SCAPER: variants seen among roughly 807,000 people sequenced by gnomAD.
SCAPER encodes the protein S-phase cyclin A associated protein in the ER.
In SCAPER, 98 loss-of-function variants were observed where a neutral mutation model predicts 182.2. That is an observed-to-expected ratio of 0.54 (90% CI 0.46 to 0.64). The LOEUF is 0.64. SCAPER is among the 30% of genes least tolerant of loss of function. The pLI, the probability that SCAPER is intolerant of heterozygous loss-of-function variation, is 0.00. For missense variants in SCAPER, 1,432 were observed against 1,690.0 expected, an observed-to-expected ratio of 0.85 and a Z score of 2.68; for synonymous variants, 605 against 564.6, an observed-to-expected ratio of 1.07 and a Z score of -1.01.
chr15:76,465,511 C>T (rs1159173169), intron 25 of SCAPER, among the ~76,000 whole-genome samples: 1 of 152,154 alleles, frequency 6.6e-6, no homozygotes, highest in African/African-American at 2.4e-5. Context: ...TATTTTCTTT[C>T]ATTCTGTACA....
chr15:76,476,240 C>T (rs1375166445), intron 24 of SCAPER, among the ~76,000 whole-genome samples: 1 of 152,162 alleles, frequency 6.6e-6, no homozygotes, highest in African/African-American at 2.4e-5. Flanking sequence ...GGTACACATT[C>T]TGTGGTTTCT....
chr15:76,594,127 C>G (rs1194304754), intron 22 of SCAPER, among the ~76,000 whole-genome samples: 2 of 119,450 alleles, frequency 1.7e-5, no homozygotes, highest in Admixed American at 9.7e-5. Flanking sequence ...TAGAGAAGAA[C>G]ATAAATGATC....
chr15:76,802,924 C>A (rs185983025), intron 6 of SCAPER, among the ~76,000 whole-genome samples: 1 of 152,278 alleles, frequency 6.6e-6, no homozygotes, highest in East Asian at 1.9e-4. Flanking sequence ...CAAAATAATA[C>A]TAAGTCCATT....
At position 76,706,065 on chromosome 15, in the gene SCAPER, CAT is replaced by C. The variant is rs1389949688; in HGVS notation, c.2166-83_2166-82del. ...GAGACTCAAAAATACAATTAGGACA[CAT>C]AGGGTCATATAGTCTAAAGGGCTAC... On this transcript the variant is annotated intron_variant, in intron 17 of 31. Transcript: ENST00000563290. 6 of 1,085,988 alleles carry C rather than the reference CAT, an allele frequency of 5.5e-6. No individual in the cohort carries two copies. The Admixed American group carries it at 7.7e-5, about 14-fold the overall frequency. The allele number at this position is 1,085,988 out of a possible 1,614,324, so 67.3% of individuals were successfully genotyped here.
At position 76,771,764 on chromosome 15, in the gene SCAPER, A is replaced by G. The variant is rs754079963; in HGVS notation, c.1226T>C (p.Met409Thr). ...CACATTTGAAATATCTGAAGGGTCCATTTCATTTTCTATCCTTGCTTTCTC... is the reference window on the plus strand; with the variant it reads ...CACATTTGAAATATCTGAAGGGTCCGTTTCATTTTCTATCCTTGCTTTCTC... ...PAEKARIENE[M>T]DPSDISNSMA... is the part of the protein sequence containing the mutation. Residue 409 changes from methionine to threonine, a missense_variant, in exon 10 of 32, where the codon ATG becomes ACG. This residue lies in a region of SCAPER where 480 missense variants were observed against 510.2 expected (regional missense o/e 0.94). Transcript: ENST00000563290. The G allele has an allele frequency of 4.3e-6, 7 of 1,612,842 alleles. No individual in the cohort carries two copies. In the East Asian group the frequency reaches 1.3e-4, roughly 31 times the overall value.
chr15:76,702,080 C>T (rs1287177134), intron 19 of SCAPER, among the ~76,000 whole-genome samples: 5 of 151,848 alleles, frequency 3.3e-5, no homozygotes, highest in Admixed American at 6.6e-5. Context: ...GGAATATCGC[C>T]GGAACCTGGG....
intron 5 of SCAPER, among the ~76,000 whole-genome samples, chr15:76,821,464 T>C (rs1247323054): frequency 6.6e-6 from 1 of 151,618 alleles, no homozygotes; most frequent in African/African-American, 2.4e-5. Flanking sequence ...ACAAAAAAAA[T>C]ACAGAAAATT....
intron 23 of SCAPER, among the ~76,000 whole-genome samples, chr15:76,559,201 A>ATTTTTTTTTTTTTTTTTT (rs58642207): frequency 1.6e-5 from 2 of 121,824 alleles, no homozygotes; most frequent in African/African-American, 7.5e-5. Context: ...CACCCAGCTA[A>ATTTTTTTTTTTTTTTTTT]TTTTTTTTTT....
intron 17 of SCAPER, among the ~76,000 whole-genome samples, chr15:76,719,676 CA>C (rs1351539449): frequency 2.6e-5 from 4 of 152,034 alleles, no homozygotes; most frequent in Middle Eastern, 3.4e-3. Context: ...AAATAAACAA[CA>C]AATAAAAACT....
In SCAPER at chr15:76,572,247, C is replaced by T. The variant is rs147848516; in HGVS notation, c.2838+1911G>A. On this transcript the variant is annotated intron_variant, in intron 23 of 31. Transcript: ENST00000563290. ...AAAACAATATTCATGAGATAAGATA[C>T]GTGTAGCAGTGTCTTCAAGCAATTG... Among the ~76,000 whole-genome samples, 57 of 152,258 alleles carry T rather than the reference C, an allele frequency of 3.7e-4. 1 individual carries two copies. The East Asian group carries it at 6.0e-3, about 16-fold the overall frequency.
chr15:76,656,797 T>C (rs1426984347), intron 21 of SCAPER, among the ~76,000 whole-genome samples: 1 of 152,074 alleles, frequency 6.6e-6, no homozygotes, highest in Admixed American at 6.5e-5. Flanking sequence ...CCAAATGACT[T>C]TGGAGTAAAC....
intron 14 of SCAPER, among the ~76,000 whole-genome samples, chr15:76,757,763 A>T (rs966631391): frequency 2.0e-5 from 3 of 152,284 alleles, no homozygotes; most frequent in African/African-American, 7.2e-5. Flanking sequence ...CATCCTCCCC[A>T]ATACTTGCCT....
At chr15:76,852,010 G>C (rs1169074781) in intron 4 of SCAPER, among the ~76,000 whole-genome samples, 4 of 151,514 alleles carry the variant, frequency 2.6e-5, no homozygotes, top group Admixed American at 2.6e-4. Context: ...CAAGCAAATG[G>C]AAATCAGAAA....
chr15:76,761,433 A>G (rs2062782188), intron 14 of SCAPER, among the ~76,000 whole-genome samples: 1 of 152,120 alleles, frequency 6.6e-6, no homozygotes, highest in Non-Finnish European at 1.5e-5. Context: ...GTAGGCATTT[A>G]TTACTATAAA....
chr15:76,481,972 G>A (rs1408361314), intron 24 of SCAPER, among the ~76,000 whole-genome samples: 1 of 152,186 alleles, frequency 6.6e-6, no homozygotes, highest in African/African-American at 2.4e-5. Flanking sequence ...AAAATTGGAA[G>A]TTGGATCCGG....
chr15:76,705,799 A>G (rs1297294375), intron 18 of SCAPER, 104 bp downstream of exon 18: 58 of 732,760 alleles, frequency 7.9e-5, no homozygotes, highest in Non-Finnish European at 1.7e-5. Flanking sequence ...TGTTGTGCAA[A>G]GATTAAGAAT....
intron 1 of SCAPER, among the ~76,000 whole-genome samples, chr15:76,895,678 AAAAT>A (rs1294285074): frequency 1.3e-5 from 2 of 152,210 alleles, no homozygotes; most frequent in African/African-American, 4.8e-5. Flanking sequence ...ATACAAAATC[AAAAT>A]ACAAAATAGA....
chr15:76,770,876 T>A (rs990817132), intron 10 of SCAPER, among the ~76,000 whole-genome samples: 2 of 152,110 alleles, frequency 1.3e-5, no homozygotes, highest in Admixed American at 6.6e-5. Flanking sequence ...TTCTACCTTA[T>A]TAAAAGAATC....
chr15:76,624,131 T>G (rs75402807), intron 21 of SCAPER, among the ~76,000 whole-genome samples: 9,306 of 152,292 alleles, frequency 0.061, 833 homozygotes, highest in African/African-American at 0.2. Context: ...AATATGATTC[T>G]ATACCTAGAA....
Sources: gnomAD v4.1 joint callset for allele counts (sites outside exome capture counted in the v4.1 genomes callset) on GRCh38, gnomAD v4.1.1 for gene constraint, gnomAD v4.1.1 regional missense constraint, MANE v1.5 for transcripts, NCBI Gene and HGNC (gene_info 2026-07-23, HGNC 2026-07-21) for gene names.